Variants in HHAT observed in about 807,000 individuals in gnomAD.
The protein encoded by HHAT is hedgehog acyltransferase.
Under a neutral mutation model 70.8 loss-of-function variants are expected in HHAT, and 47 were observed. The observed-to-expected ratio is 0.66, with a 90% confidence interval of 0.53 to 0.85. The LOEUF (loss-of-function observed/expected upper bound fraction) is 0.85, where lower values mean the gene tolerates loss of function less well. Ranked by LOEUF, HHAT falls within the 40% of genes least tolerant of loss-of-function variation. The pLI is 0.00. For synonymous variants in HHAT, 228 were observed against 247.6 expected, an observed-to-expected ratio of 0.92 and a Z score of 0.74; for missense variants, 609 against 604.8, an observed-to-expected ratio of 1.01 and a Z score of -0.07.
At chr1:210,579,695 C>T (rs1469052768) in intron 9 of HHAT, among the ~76,000 whole-genome samples, 1 of 152,196 alleles carries the variant, frequency 6.6e-6, no homozygotes, top group Non-Finnish European at 1.5e-5. Context: ...GGGCCAAGGT[C>T]ACATCTTCTA....
intron 7 of HHAT, among the ~76,000 whole-genome samples, chr1:210,453,637 G>C (rs1379899906): frequency 6.6e-6 from 1 of 152,094 alleles, no homozygotes; most frequent in Non-Finnish European, 1.5e-5. Flanking sequence ...CAACTTCTTA[G>C]ATGCAGAAAA....
At chr1:210,349,190 T>C in intron 2 of HHAT, 124 bp downstream of exon 2, 1 of 1,015,752 alleles carries the variant, frequency 9.8e-7, no homozygotes, top group South Asian at 1.7e-5. Flanking sequence ...CTTGATTTGC[T>C]TCCCCATGTC....
At chr1:210,389,526 C>T (rs2091311643) in intron 4 of HHAT, among the ~76,000 whole-genome samples, 1 of 152,166 alleles carries the variant, frequency 6.6e-6, no homozygotes, top group Non-Finnish European at 1.5e-5. Flanking sequence ...CAGACTTCCC[C>T]CTTATTGTTC....
chr1:210,540,840 AT>A (rs1156568718), intron 9 of HHAT, among the ~76,000 whole-genome samples: 1 of 151,832 alleles, frequency 6.6e-6, no homozygotes, highest in East Asian at 1.9e-4. Context: ...GTATTGCTTT[AT>A]TTAATTTTTT....
At chr1:210,423,646 G>A (rs973512342) in intron 7 of HHAT, among the ~76,000 whole-genome samples, 7 of 152,096 alleles carry the variant, frequency 4.6e-5, no homozygotes, top group Admixed American at 6.6e-5. Context: ...ATGTCCTGAC[G>A]GATTCTCCTA....
At chr1:210,368,488 GC>G (rs1163530001) in intron 3 of HHAT, among the ~76,000 whole-genome samples, 2 of 152,008 alleles carry the variant, frequency 1.3e-5, no homozygotes, top group East Asian at 3.9e-4. Context: ...GATGCGTTTC[GC>G]CATGTCGGCC....
intron 1 of HHAT, among the ~76,000 whole-genome samples, chr1:210,333,636 G>A (rs984808000): frequency 1.3e-5 from 2 of 151,750 alleles, no homozygotes; most frequent in African/African-American, 2.4e-5. Context: ...GGTGACATTC[G>A]TCAGAGCTGC....
intron 11 of HHAT, among the ~76,000 whole-genome samples, chr1:210,661,367 G>A (rs1677674903): frequency 6.6e-6 from 1 of 152,216 alleles, no homozygotes; most frequent in African/African-American, 2.4e-5. Context: ...TCTCACACCA[G>A]TTAGAATGAC....
chr1:210,536,017 C>T (rs11119534), intron 9 of HHAT, among the ~76,000 whole-genome samples: 28,564 of 152,182 alleles, frequency 0.19, 3,291 homozygotes, highest in Middle Eastern at 0.29. Context: ...ATATGCATAT[C>T]GAGTCCAGCT....
At chr1:210,563,025 G>A (rs17016461) in intron 9 of HHAT, among the ~76,000 whole-genome samples, 9,075 of 152,134 alleles carry the variant, frequency 0.06, 862 homozygotes, top group African/African-American at 0.2. Flanking sequence ...GGCTCAGAAC[G>A]GATAAACTTG....
At chr1:210,555,117 G>GT (rs1209659630) in intron 9 of HHAT, among the ~76,000 whole-genome samples, 1 of 152,138 alleles carries the variant, frequency 6.6e-6, no homozygotes, top group Admixed American at 6.5e-5. Context: ...ACCAATAAAA[G>GT]TTTTCCACAA....
At chr1:210,426,376 T>C (rs2093061445) in intron 7 of HHAT, among the ~76,000 whole-genome samples, 1 of 152,214 alleles carries the variant, frequency 6.6e-6, no homozygotes, top group African/African-American at 2.4e-5. Context: ...TCCAATACTA[T>C]GTTGAATAGG....
At chr1:210,538,114 G>C (rs544916861) in intron 9 of HHAT, among the ~76,000 whole-genome samples, 1 of 150,136 alleles carries the variant, frequency 6.7e-6, no homozygotes, top group East Asian at 2.0e-4. Flanking sequence ...ACCTTTATGA[G>C]AATGGATTCA....
At chr1:210,343,638 G>T (rs571484656) in intron 1 of HHAT, among the ~76,000 whole-genome samples, 1 of 152,344 alleles carries the variant, frequency 6.6e-6, no homozygotes, top group South Asian at 2.1e-4. Flanking sequence ...CAGAGACGTA[G>T]GTGGTGAGGA....
chr1:210,370,163 C>CTTTTTT (rs200442278), intron 3 of HHAT, among the ~76,000 whole-genome samples: 1 of 122,386 alleles, frequency 8.2e-6, no homozygotes, highest in African/African-American at 3.4e-5. Context: ...TCTTCAATGA[C>CTTTTTT]TTTTTTTTTT....
chr1:210,528,321 T>C (rs1355430724), intron 9 of HHAT, among the ~76,000 whole-genome samples: 8 of 152,076 alleles, frequency 5.3e-5, no homozygotes, highest in Non-Finnish European at 1.2e-4. Flanking sequence ...GGGTGCATCA[T>C]AGGAGGAAAA....
intron 9 of HHAT, among the ~76,000 whole-genome samples, chr1:210,553,879 C>G (rs911877820): frequency 8.5e-5 from 13 of 152,212 alleles, no homozygotes; most frequent in Non-Finnish European, 1.8e-4. Context: ...TCATTACTCT[C>G]CAGCTGCCTT....
chr1:210,544,367 G>GTTTTTTTTTTTTT (rs569514246), intron 9 of HHAT, among the ~76,000 whole-genome samples: 1 of 90,054 alleles, frequency 1.1e-5, no homozygotes, highest in Admixed American at 1.3e-4. Context: ...TCTTTCTTTC[G>GTTTTTTTTTTTTT]TTTTTTTTTT....
chr1:210,539,272 C>T (rs1020531165), intron 9 of HHAT, among the ~76,000 whole-genome samples: 5 of 152,174 alleles, frequency 3.3e-5, no homozygotes, highest in Non-Finnish European at 7.4e-5. Flanking sequence ...CTATTGAGTA[C>T]TGAGAGGGAA....
Sources: gnomAD v4.1 joint callset for allele counts (sites outside exome capture counted in the v4.1 genomes callset) on GRCh38, gnomAD v4.1.1 for gene constraint, MANE v1.5 for transcripts, NCBI Gene and HGNC (gene_info 2026-07-23, HGNC 2026-07-21) for gene names.